The following PDZD2 variants were observed in gnomAD, a reference collection of about 807,000 sequenced individuals.
PDZD2 encodes the protein PDZ domain-containing protein 2.
A neutral mutation model predicts 220.7 loss-of-function variants in PDZD2; 90 were observed. The ratio of observed to expected loss-of-function variants is 0.41; its 90% CI spans 0.34 to 0.49. The LOEUF (loss-of-function observed/expected upper bound fraction) is 0.49. Among genes scored for constraint, PDZD2 ranks in the 20% least tolerant of loss-of-function variants. PDZD2 has a pLI of 0.28. For synonymous variants in PDZD2, 1,375 were observed against 1,450.5 expected (o/e 0.95, Z 1.18); for missense variants, 3,174 against 3,608.5 (o/e 0.88, Z 3.08).
At chr5:31,756,524 G>A (rs184783852) in intron 1 of PDZD2, among the ~76,000 whole-genome samples, 2 of 152,350 alleles carry the variant, frequency 1.3e-5, no homozygotes, top group African/African-American at 4.8e-5. Context: ...GTGGGCCTGT[G>A]GCTGGGGGAG....
At chr5:31,873,533 T>TTTA (rs1739019161) in intron 2 of PDZD2, among the ~76,000 whole-genome samples, 5 of 143,998 alleles carry the variant, frequency 3.5e-5, no homozygotes, top group South Asian at 2.2e-4. Context: ...TGAAAATTCT[T>TTTA]TTTATTTATT....
At position 31,662,321 on chromosome 5, in the gene PDZD2, A is replaced by G. The variant is rs148025377; in HGVS notation, c.-361+22884A>G. Among the ~76,000 whole-genome samples, 616 of 152,244 alleles carry G rather than the reference A, an allele frequency of 4.0e-3. 20 individuals are homozygous for G. Among genetic ancestry groups the G allele is most frequent in the Admixed American group, 0.036 (552 of 15,268 alleles). ...GATGAAACTCCATCTCAAATAAATA[A>G]ATAAATAAATAATTCCTAAAGCCTC... On this transcript the variant is annotated intron_variant, in intron 1 of 24. Coordinates refer to ENST00000438447, the MANE Select transcript of PDZD2 (RefSeq NM_178140.4).
intron 20 of PDZD2, among the ~76,000 whole-genome samples, chr5:32,092,595 T>G (rs1230850618): frequency 6.6e-6 from 1 of 152,198 alleles, no homozygotes; most frequent in Non-Finnish European, 1.5e-5. Context: ...ATATTTCACT[T>G]GAACATATGT....
At chr5:32,001,609 T>G (rs1752113731) in intron 5 of PDZD2, among the ~76,000 whole-genome samples, 2 of 152,356 alleles carry the variant, frequency 1.3e-5, no homozygotes, top group Admixed American at 6.5e-5. Flanking sequence ...GGCCAGAGCT[T>G]CTTTCACACC....
At chr5:31,931,354 C>T (rs936504088) in intron 2 of PDZD2, among the ~76,000 whole-genome samples, 4 of 152,172 alleles carry the variant, frequency 2.6e-5, no homozygotes, top group African/African-American at 9.7e-5. Flanking sequence ...GACGGGGTTT[C>T]ACCATGTTGG....
At chr5:31,952,646 C>T (rs1561173055) in intron 2 of PDZD2, among the ~76,000 whole-genome samples, 1 of 152,112 alleles carries the variant, frequency 6.6e-6, no homozygotes, top group Non-Finnish European at 1.5e-5. Flanking sequence ...TCTTCCTTTC[C>T]TATCTATAAA....
At chr5:32,050,687 C>T (rs953524333) in intron 8 of PDZD2, among the ~76,000 whole-genome samples, 4 of 152,058 alleles carry the variant, frequency 2.6e-5, no homozygotes, top group African/African-American at 4.8e-5. Context: ...TGGGTATGGT[C>T]GTGCATACCT....
intron 1 of PDZD2, chr5:31,741,845 C>T (rs1750283861): frequency 6.6e-6 from 1 of 152,114 alleles, no homozygotes; most frequent in South Asian, 2.1e-4. Context: ...TTCCTTCAAA[C>T]ACATATTCAT....
At chr5:31,651,494 G>T (rs946438219) in intron 1 of PDZD2, among the ~76,000 whole-genome samples, 1 of 152,218 alleles carries the variant, frequency 6.6e-6, no homozygotes, top group Non-Finnish European at 1.5e-5. Context: ...GGGAAGAATT[G>T]TATGTGCTGT....
At chr5:31,809,339 G>A (rs981235375) in intron 2 of PDZD2, among the ~76,000 whole-genome samples, 2 of 152,180 alleles carry the variant, frequency 1.3e-5, no homozygotes, top group African/African-American at 2.4e-5. Flanking sequence ...TTTCACCGCC[G>A]TGCTGTTTGG....
chr5:31,986,667 A>T (rs1750747687), intron 3 of PDZD2, among the ~76,000 whole-genome samples: 1 of 142,390 alleles, frequency 7.0e-6, no homozygotes, highest in Admixed American at 7.1e-5. Context: ...GGCGGGGGGG[A>T]ATTTCATTCC....
rs1745042088 is a variant in PDZD2 at position 32,108,612 on chromosome 5, C to T, written c.*477C>T. 3 of 152,714 alleles carry T rather than the reference C, an allele frequency of 2.0e-5. No homozygotes were observed. Among genetic ancestry groups the T allele is most frequent in the African/African-American group, 4.8e-5 (2 of 41,384 alleles). 9.5% of individuals were successfully genotyped at this position (152,714 alleles called of 1,614,324 possible). On this transcript the variant is annotated 3_prime_UTR_variant, in exon 25 of 25. Coordinates refer to ENST00000438447, the MANE Select transcript of PDZD2 (RefSeq NM_178140.4). The stretch of plus-strand genomic sequence containing the variant: ...GTAAATGACAGAATGCTTTTAGGCA[C>T]ATTCAATGGAAGGAGGAGATGTAGG...
At chr5:31,753,300 G>T (rs889702315) in intron 1 of PDZD2, among the ~76,000 whole-genome samples, 1 of 152,206 alleles carries the variant, frequency 6.6e-6, no homozygotes, top group African/African-American at 2.4e-5. Flanking sequence ...TATGCCAGGA[G>T]GCAATAGGGA....
intron 6 of PDZD2, among the ~76,000 whole-genome samples, chr5:32,030,007 A>T (rs1262220856): frequency 6.6e-6 from 1 of 152,162 alleles, no homozygotes; most frequent in African/African-American, 2.4e-5. Context: ...AGGGAAATCA[A>T]CCCGGTCCTA....
chr5:32,094,853 G>C (rs1229526823), intron 21 of PDZD2, among the ~76,000 whole-genome samples: 3 of 152,282 alleles, frequency 2.0e-5, no homozygotes, highest in Admixed American at 1.3e-4. Context: ...ACTCCAGCCT[G>C]GGTGACAGAG....
chr5:31,719,219 A>G (rs887032020), intron 1 of PDZD2, among the ~76,000 whole-genome samples: 1 of 152,186 alleles, frequency 6.6e-6, no homozygotes, highest in African/African-American at 2.4e-5. Context: ...GTGTCTATTC[A>G]ATAAAATGTT....
chr5:32,100,941 A>C, intron 23 of PDZD2, 164 bp from the exon 24 acceptor site: 1 of 1,599,354 alleles, frequency 6.3e-7, no homozygotes, highest in Admixed American at 1.7e-5. Flanking sequence ...CAACAGTGCT[A>C]CTGGGCTCAA....
intron 1 of PDZD2, among the ~76,000 whole-genome samples, chr5:31,640,601 A>G (rs1413266738): frequency 6.6e-6 from 1 of 152,074 alleles, no homozygotes; most frequent in East Asian, 1.9e-4. Flanking sequence ...GGGGTCTCTG[A>G]ACACTGGAGG....
intron 1 of PDZD2, among the ~76,000 whole-genome samples, chr5:31,719,860 G>A (rs1273576649): frequency 1.3e-5 from 2 of 152,188 alleles, no homozygotes; most frequent in Non-Finnish European, 2.9e-5. Flanking sequence ...CTGCCTTGAG[G>A]ACCTCAGTTA....
Sources: allele counts gnomAD v4.1 joint callset (sites outside exome capture counted in the v4.1 genomes callset), GRCh38; gene constraint gnomAD v4.1.1; transcripts MANE v1.5; gene names NCBI Gene and HGNC (gene_info 2026-07-23, HGNC 2026-07-21).